The following DIP2C variants were observed in gnomAD, a reference collection of about 807,000 sequenced individuals.
DIP2C encodes DIP2 acetate--CoA ligase C (putative).
DIP2C carries 33 observed loss-of-function variants against 192.4 expected under a neutral mutation model. The ratio of observed to expected loss-of-function variants is 0.17; its 90% CI spans 0.13 to 0.23. DIP2C has a LOEUF of 0.23. DIP2C is among the 10% of genes least tolerant of loss of function. The pLI is 1.00. For missense variants in DIP2C, 1,537 were observed against 2,110.1 expected (o/e 0.73, Z 5.32); for synonymous variants, 979 against 864.1 (o/e 1.13, Z -2.33).
intron 17 of DIP2C, among the ~76,000 whole-genome samples, chr10:373,649 A>T (rs1961244566): frequency 6.6e-6 from 1 of 152,092 alleles, no homozygotes; most frequent in South Asian, 2.1e-4. Flanking sequence ...CAGGGCATAA[A>T]ATCCCTCGTG....
At chr10:551,507 TC>T (rs1218343229) in intron 1 of DIP2C, among the ~76,000 whole-genome samples, 1 of 126,244 alleles carries the variant, frequency 7.9e-6, no homozygotes, top group African/African-American at 5.2e-5. Flanking sequence ...CAAAAGCCCT[TC>T]CTGGCTCAAG....
At chr10:579,267 ACAG>A (rs1850407583) in intron 1 of DIP2C, among the ~76,000 whole-genome samples, 2 of 151,966 alleles carry the variant, frequency 1.3e-5, no homozygotes, top group African/African-American at 2.4e-5. Context: ...GTACATGCAT[ACAG>A]CATACACACA....
intron 19 of DIP2C, chr10:364,878 A>G (rs1960001508): frequency 1.6e-6 from 1 of 619,956 alleles, no homozygotes; most frequent in Non-Finnish European, 3.1e-6. Flanking sequence ...CAGGAGGCCA[A>G]TCAGCAGTAA....
chr10:670,675 C>T (rs1001899539), intron 1 of DIP2C, among the ~76,000 whole-genome samples: 2 of 152,160 alleles, frequency 1.3e-5, no homozygotes, highest in African/African-American at 4.8e-5. Context: ...AGATTATTTT[C>T]ACAATTTTAA....
At chr10:476,314 G>A (rs1300171689) in intron 2 of DIP2C, among the ~76,000 whole-genome samples, 1 of 152,184 alleles carries the variant, frequency 6.6e-6, no homozygotes, top group Non-Finnish European at 1.5e-5. Flanking sequence ...GGTCCTCCGG[G>A]GACGGGAGAT....
intron 1 of DIP2C, among the ~76,000 whole-genome samples, chr10:659,192 C>G (rs1342852104): frequency 6.6e-6 from 1 of 152,206 alleles, no homozygotes; most frequent in Non-Finnish European, 1.5e-5. Context: ...ACTATATACA[C>G]AGGAGCATCC....
chr10:508,702 G>C (rs899525008), intron 1 of DIP2C, among the ~76,000 whole-genome samples: 4 of 152,012 alleles, frequency 2.6e-5, no homozygotes, highest in Non-Finnish European at 4.4e-5. Flanking sequence ...TAAGAAAAAA[G>C]CCTCCCATGT....
At position 374,455 on chromosome 10, in the gene DIP2C, A is replaced by G. The variant is rs558054567; in HGVS notation, c.1992-4822T>C. Among the ~76,000 whole-genome samples, 311 of 152,268 alleles carry G rather than the reference A, an allele frequency of 2.0e-3. 1 individual carries two copies. Among genetic ancestry groups the G allele is most frequent in the Middle Eastern group, 0.014 (4 of 294 alleles). ...TATTCTGCACAGCAACCCTGTGGAGATGGGTGCAGCACCATGACCCTCCCT... is the reference window on the plus strand; with the variant it reads ...TATTCTGCACAGCAACCCTGTGGAGGTGGGTGCAGCACCATGACCCTCCCT... On this transcript the variant is annotated intron_variant, in intron 17 of 36. Coordinates refer to ENST00000280886, the MANE Select transcript of DIP2C (RefSeq NM_014974.3).
At chr10:572,134 C>T (rs561824727) in intron 1 of DIP2C, among the ~76,000 whole-genome samples, 1 of 152,366 alleles carries the variant, frequency 6.6e-6, no homozygotes, top group East Asian at 1.9e-4. Context: ...TAACAGGAGA[C>T]TCCCTCAGCC....
At chr10:570,731 A>G (rs145987081) in intron 1 of DIP2C, among the ~76,000 whole-genome samples, 21 of 152,352 alleles carry the variant, frequency 1.4e-4, no homozygotes, top group African/African-American at 2.4e-4. Flanking sequence ...AGCTTTGTAG[A>G]TAAGTCCACA....
In DIP2C at chr10:492,221, A is replaced by C. The variant is rs183969199; in HGVS notation, c.86-5691T>G. On this transcript the variant is annotated intron_variant, in intron 1 of 36. Transcript: ENST00000280886. The stretch of plus-strand genomic sequence containing the variant: ...CAGCAGACAGAAGGGTCGCTGCAAG[A>C]ATGCAAACGTGGTGAGCCTCTCTCC... 2.3e-4 allele frequency among the ~76,000 whole-genome samples: 35 copies of C among 152,300 alleles called. No homozygotes were observed. The East Asian group carries it at 5.6e-3, about 24-fold the overall frequency.
intron 1 of DIP2C, among the ~76,000 whole-genome samples, chr10:571,359 C>A (rs1043214357): frequency 1.1e-4 from 16 of 152,224 alleles, no homozygotes; most frequent in African/African-American, 3.4e-4. Context: ...TGCCAGGCCG[C>A]CTCTCCTGGA....
At chr10:444,819 C>T (rs972818254) in intron 3 of DIP2C, among the ~76,000 whole-genome samples, 14 of 152,224 alleles carry the variant, frequency 9.2e-5, no homozygotes, top group Admixed American at 8.5e-4. Context: ...ATAATTTGCT[C>T]ATGTTTCTCC....
chr10:578,414 T>C (rs377408548), intron 1 of DIP2C, among the ~76,000 whole-genome samples: 8 of 152,348 alleles, frequency 5.3e-5, no homozygotes, highest in African/African-American at 1.9e-4. Context: ...GCTAGACAGC[T>C]GCTATATTAG....
intron 1 of DIP2C, among the ~76,000 whole-genome samples, chr10:643,383 G>A (rs578017336): frequency 6.0e-4 from 91 of 152,010 alleles, no homozygotes; most frequent in African/African-American, 2.1e-3. Flanking sequence ...GCGTGGTGGC[G>A]GGTACCTATA....
chr10:540,076 G>C (rs1159646331), intron 1 of DIP2C, among the ~76,000 whole-genome samples: 6 of 152,194 alleles, frequency 3.9e-5, no homozygotes, highest in Admixed American at 2.0e-4. Flanking sequence ...AGCATCCACT[G>C]CAACTACTGC....
At position 689,467 on chromosome 10, in the gene DIP2C, C is replaced by T; in HGVS notation, c.85+27G>A. 1 of 1,149,216 alleles carries T rather than the reference C, an allele frequency of 8.7e-7. No homozygotes were observed. The highest frequency in any genetic ancestry group is 1.1e-6 in the Non-Finnish European group (1 of 926,940). The allele number at this position is 1,149,216 out of a possible 1,614,324, so 71.2% of individuals were successfully genotyped here. On this transcript the variant is annotated intron_variant, in intron 1 of 36. Coordinates refer to ENST00000280886, the MANE Select transcript of DIP2C (RefSeq NM_014974.3). This position sits in a 1 kb window ranked among gnomAD's most constrained non-coding sequence, Gnocchi z 6.1. ...GCGGCCCTCCCCGGTGACAGCGCGG[C>T]CCGGCCCGGGGCGGGGGCCCGGTTA...
chr10:582,036 C>T (rs1003984830), intron 1 of DIP2C, among the ~76,000 whole-genome samples: 6 of 152,042 alleles, frequency 3.9e-5, no homozygotes, highest in South Asian at 2.1e-4. Context: ...AGGGTTCCAA[C>T]GTCTATGAGA....
chr10:363,290 G>T lies in DIP2C; in HGVS notation c.2499C>A (p.Thr833=). 1.2e-6 allele frequency: 2 copies of T among 1,611,888 alleles called. No individual in the cohort carries two copies. The highest frequency in any genetic ancestry group is 1.7e-5 in the Admixed American group (1 of 60,010). ...YRGRIAVFSV[T]VLHDERIVIV... ...TCACGATCCTCTCGTCGTGCAGCAC[G>T]GTCACCGAGAACACGGCTATCCTGC... Residue 833 remains threonine (T), a synonymous_variant, in exon 21 of 37, where the codon ACC becomes ACA. Transcript: ENST00000280886. This position sits in a 1 kb window ranked among gnomAD's most constrained non-coding sequence, Gnocchi z 5.4.
Sources: allele counts gnomAD v4.1 joint callset (sites outside exome capture counted in the v4.1 genomes callset), GRCh38; gene constraint gnomAD v4.1.1; non-coding constraint Gnocchi (gnomAD v3.1); transcripts MANE v1.5; gene names NCBI Gene and HGNC (gene_info 2026-07-23, HGNC 2026-07-21).